LSM6: variants seen among roughly 807,000 people sequenced by gnomAD.
LSM6 encodes the protein U6 snRNA-associated Sm-like protein LSm6.
A neutral mutation model predicts 13.5 loss-of-function variants in LSM6; 2 were observed. The observed-to-expected ratio is 0.15, with a 90% confidence interval of 0.06 to 0.47. The LOEUF is 0.47. Ranked by LOEUF, LSM6 falls within the 20% of genes least tolerant of loss-of-function variation. LSM6 has a pLI of 0.97. For missense variants in LSM6, 58 were observed against 96.4 expected, an observed-to-expected ratio of 0.60 and a Z score of 1.67; for synonymous variants, 43 against 34.9, an observed-to-expected ratio of 1.23 and a Z score of -0.82.
chr4:146,188,078 T>G (rs1313184111), intron 3 of LSM6, among the ~76,000 whole-genome samples: 2 of 152,208 alleles, frequency 1.3e-5, no homozygotes, highest in Non-Finnish European at 2.9e-5. Flanking sequence ...ATTCTGGATG[T>G]CTTCAACCCC....
At chr4:146,185,520 A>G (rs996110636) in intron 2 of LSM6, among the ~76,000 whole-genome samples, 6 of 151,654 alleles carry the variant, frequency 4.0e-5, no homozygotes, top group African/African-American at 1.5e-4. Flanking sequence ...AAAAAAAAAA[A>G]AAAAGAAAAA....
chr4:146,177,649 TA>T lies in LSM6; in HGVS notation c.-11+1839del, dbSNP rs1268398684. ...TTTTTTATTTTTATTTATTTTTATT[TA>T]TTTTTTTATTTAGGGCTTATAGCAG... On this transcript the variant is annotated intron_variant, in intron 1 of 3. Coordinates refer to ENST00000296581, the MANE Select transcript of LSM6 (RefSeq NM_007080.3). Among the ~76,000 whole-genome samples the T allele has an allele frequency of 2.0e-5, 3 of 152,246 alleles. No homozygotes were observed. The East Asian group carries it at 5.8e-4, about 29-fold the overall frequency.
chr4:146,185,405 T>A (rs936975705), intron 2 of LSM6, among the ~76,000 whole-genome samples: 3 of 151,082 alleles, frequency 2.0e-5, no homozygotes, highest in Admixed American at 1.3e-4. Flanking sequence ...TTTATACTAT[T>A]AAAGCAAAAT....
chr4:146,178,757 G>C (rs1172598572), intron 1 of LSM6, among the ~76,000 whole-genome samples: 1 of 152,146 alleles, frequency 6.6e-6, no homozygotes, highest in Admixed American at 6.5e-5. Context: ...ACAGCACTTT[G>C]TCACGTTAGG....
chr4:146,186,912 T>A (rs1372060508), intron 2 of LSM6, among the ~76,000 whole-genome samples: 2 of 152,250 alleles, frequency 1.3e-5, no homozygotes, highest in Non-Finnish European at 2.9e-5. Context: ...ATCATTTGTT[T>A]ATGCATAATT....
At chr4:146,182,209 T>C (rs1446468697) in intron 1 of LSM6, among the ~76,000 whole-genome samples, 2 of 152,180 alleles carry the variant, frequency 1.3e-5, no homozygotes, top group Non-Finnish European at 2.9e-5. Context: ...CCTTTTAGGG[T>C]AGAGCAATTT....
intron 2 of LSM6, chr4:146,183,576 T>C (rs1730278122): frequency 6.5e-6 from 1 of 152,744 alleles, no homozygotes. Flanking sequence ...ATTCCGTTTT[T>C]TAAAGTTACT....
chr4:146,180,739 C>T (rs528254572), intron 1 of LSM6: 1 of 152,318 alleles, frequency 6.6e-6, no homozygotes, highest in South Asian at 2.1e-4. Context: ...CAGTTTTATA[C>T]ATAATGAAAC....
At position 146,175,732 on chromosome 4, in the gene LSM6, T is replaced by C. The variant is rs2110873397; in HGVS notation, c.-90T>C. 6.6e-6 allele frequency: 1 copy of C among 152,418 alleles called. No individual in the cohort carries two copies. The highest frequency in any genetic ancestry group is 2.1e-4 in the South Asian group (1 of 4,832). 9.4% of individuals were successfully genotyped at this position (152,418 alleles called of 1,614,324 possible). ...CAGAAAAGTGCCCCTGCCTCGGCGC[T>C]TTCGGTTTTGGCTGGGATCATCCGC... On this transcript the variant is annotated 5_prime_UTR_variant, in exon 1 of 4. Coordinates refer to ENST00000296581, the MANE Select transcript of LSM6 (RefSeq NM_007080.3).
intron 3 of LSM6, among the ~76,000 whole-genome samples, chr4:146,188,516 G>T (rs1730396302): frequency 6.6e-6 from 1 of 152,110 alleles, no homozygotes; most frequent in Admixed American, 6.5e-5. Flanking sequence ...CACATCATTG[G>T]CTCTTAAAGA....
intron 2 of LSM6, among the ~76,000 whole-genome samples, chr4:146,186,580 C>G (rs965060576): frequency 6.6e-6 from 1 of 152,120 alleles, no homozygotes; most frequent in Non-Finnish European, 1.5e-5. Context: ...CTTGAAAGCT[C>G]CCTCGAATGT....
At chr4:146,178,759 C>T (rs982454205) in intron 1 of LSM6, among the ~76,000 whole-genome samples, 1 of 152,180 alleles carries the variant, frequency 6.6e-6, no homozygotes, top group Non-Finnish European at 1.5e-5. Flanking sequence ...AGCACTTTGT[C>T]ACGTTAGGTA....
intron 2 of LSM6, among the ~76,000 whole-genome samples, chr4:146,184,384 A>G (rs1005509104): frequency 6.6e-6 from 1 of 152,098 alleles, no homozygotes; most frequent in Non-Finnish European, 1.5e-5. Flanking sequence ...ATCCCCACCT[A>G]GTAGAGGAGG....
Position 146,190,002 on chromosome 4 carries a change from A to G in LSM6, c.*346A>G, listed in dbSNP as rs1380159947. On this transcript the variant is annotated 3_prime_UTR_variant, in exon 4 of 4. Transcript: ENST00000296581. ...CTTATCCAGCTAAAATGATGCATATATTTTATATATTGTATGGACATATAA... is the reference window on the plus strand; with the variant it reads ...CTTATCCAGCTAAAATGATGCATATGTTTTATATATTGTATGGACATATAA... 1 of 215,046 alleles carries G rather than the reference A, an allele frequency of 4.7e-6. No individual in the cohort carries two copies. The highest frequency in any genetic ancestry group is 2.3e-5 in the African/African-American group (1 of 42,716). The allele number at this position is 215,046 out of a possible 1,614,324, so 13.3% of individuals were successfully genotyped here. A position where few individuals can be genotyped will look rare whatever the true frequency, so the allele number is the denominator to read the frequency against.
At chr4:146,181,609 G>GA (rs1730233752) in intron 1 of LSM6, among the ~76,000 whole-genome samples, 1 of 152,042 alleles carries the variant, frequency 6.6e-6, no homozygotes. Flanking sequence ...AATGTTTAAT[G>GA]AAAAAATAAT....
chr4:146,181,352 G>A (rs768764154), intron 1 of LSM6: 1 of 152,166 alleles, frequency 6.6e-6, no homozygotes, highest in Non-Finnish European at 1.5e-5. Context: ...CTCTTTAAAT[G>A]AGTTTAAATT....
At chr4:146,177,627 TTTATTTTTA>T (rs1344517526) in intron 1 of LSM6, among the ~76,000 whole-genome samples, 4 of 145,404 alleles carry the variant, frequency 2.8e-5, no homozygotes, top group African/African-American at 1.0e-4. Context: ...AACAATTTTT[TTTATTTTTA>T]TTTATTTTTA....
chr4:146,187,926 A>C (rs1730383866), intron 3 of LSM6, among the ~76,000 whole-genome samples: 1 of 152,248 alleles, frequency 6.6e-6, no homozygotes, highest in Admixed American at 6.5e-5. Context: ...CCTAGTTTAA[A>C]AATGAAAATT....
intron 1 of LSM6, among the ~76,000 whole-genome samples, chr4:146,177,856 G>C (rs935879389): frequency 1.3e-5 from 2 of 152,132 alleles, no homozygotes; most frequent in African/African-American, 4.8e-5. Flanking sequence ...CCCTGAGCAG[G>C]GTGGGGCAGG....
Sources: gnomAD v4.1 joint callset for allele counts (sites outside exome capture counted in the v4.1 genomes callset) on GRCh38, gnomAD v4.1.1 for gene constraint, MANE v1.5 for transcripts, NCBI Gene and HGNC (gene_info 2026-07-23, HGNC 2026-07-21) for gene names.